KCTD12: variants seen among roughly 807,000 people sequenced by gnomAD.
The protein encoded by KCTD12 is BTB/POZ domain-containing protein KCTD12.
A neutral mutation model predicts 22.6 loss-of-function variants in KCTD12; 16 were observed. The observed-to-expected ratio is 0.71, with a 90% CI of 0.48 to 1.07. The LOEUF is 1.07. Ranked by LOEUF, KCTD12 falls within the 50% of genes least tolerant of loss-of-function variation. The pLI is 0.00. For missense variants in KCTD12, 452 were observed against 469.2 expected (o/e 0.96, Z 0.34); for synonymous variants, 260 against 228.0 (o/e 1.14, Z -1.26).
Position 76,884,896 on chromosome 13 carries a change from A to C in KCTD12, c.*275T>G. ...GGAGGGGTGGTTTGAGGCAGGGAGTAGAGAAAGCATGGAGTGGTAGGTGGG... is the reference window on the plus strand; with the variant it reads ...GGAGGGGTGGTTTGAGGCAGGGAGTCGAGAAAGCATGGAGTGGTAGGTGGG... On this transcript the variant is annotated 3_prime_UTR_variant, in exon 1 of 1. Coordinates refer to ENST00000377474, the MANE Select transcript of KCTD12 (RefSeq NM_138444.4). 3 of 400,580 alleles carry C rather than the reference A, an allele frequency of 7.5e-6. No homozygotes were observed. Among genetic ancestry groups the C allele is most frequent in the Non-Finnish European group, 1.4e-5 (3 of 221,272 alleles). 24.8% of individuals were successfully genotyped at this position (400,580 alleles called of 1,614,324 possible). A position where few individuals can be genotyped will look rare whatever the true frequency, so the allele number is the denominator to read the frequency against.
In KCTD12 at chr13:76,884,434, T is replaced by C. The variant is rs1244880264; in HGVS notation, c.*737A>G. On this transcript the variant is annotated 3_prime_UTR_variant, in exon 1 of 1. Transcript: ENST00000377474. ...GAGCAGCAGCTGAAAAGGGCGCCTCTGCAGGCAGGCGGATCACTTTCTATA... is the reference window on the plus strand; with the variant it reads ...GAGCAGCAGCTGAAAAGGGCGCCTCCGCAGGCAGGCGGATCACTTTCTATA... The C allele has an allele frequency of 6.6e-6, 1 of 152,270 alleles. No homozygotes were observed. Among genetic ancestry groups the C allele is most frequent in the East Asian group, 1.9e-4 (1 of 5,198 alleles). 9.4% of individuals were successfully genotyped at this position (152,270 alleles called of 1,614,324 possible).
rs1305597933 is a variant in KCTD12 at position 76,880,874 on chromosome 13, A to C, written c.*4297T>G. ...TTTAAGTGACAACAAATCTTGATTA[A>C]CTAGTCCATCTTCCTACCACACATG... On this transcript the variant is annotated 3_prime_UTR_variant, in exon 1 of 1. Coordinates refer to ENST00000377474, the MANE Select transcript of KCTD12 (RefSeq NM_138444.4). The C allele has an allele frequency of 6.6e-6, 1 of 152,618 alleles. No homozygotes were observed. Among genetic ancestry groups the C allele is most frequent in the Non-Finnish European group, 1.5e-5 (1 of 68,008 alleles). 9.5% of individuals were successfully genotyped at this position (152,618 alleles called of 1,614,324 possible). A position where few individuals can be genotyped will look rare whatever the true frequency, so the allele number is the denominator to read the frequency against.
In KCTD12 at chr13:76,885,728, G is replaced by C; in HGVS notation, c.421C>G (p.Pro141Ala). 7.1e-7 allele frequency: 1 copy of C among 1,407,954 alleles called. No homozygotes were observed. 87.2% of individuals were successfully genotyped at this position (1,407,954 alleles called of 1,614,324 possible). Residue 141 changes from proline to alanine, a missense_variant, in exon 1 of 1, where the codon CCC becomes GCC. Physicochemically the swap from Pro to Ala is conservative, Grantham distance 27. Around this residue, in one of 2 missense-constraint regions of KCTD12, gnomAD observed 330 missense variants for 296.5 expected, o/e 1.11. Transcript: ENST00000377474. The surrounding 1 kb of genome is among the most constrained non-coding windows in gnomAD (Gnocchi z 5.1). ...APQQPGPGPP[P>A]SRRGVHKEGS... ...TCCTTGTGCACCCCGCGCCGCGAGG[G>C]CGGCGGCCCCGGGCCGGGCTGCTGG...
chr13:76,882,034 A>G lies in KCTD12; in HGVS notation c.*3137T>C, dbSNP rs1213995273. ...TATGACATTCTCCCAGGTTATTTGAATGGTATCTTTGGAGGGCTTACTCAA... is the reference window on the plus strand; with the variant it reads ...TATGACATTCTCCCAGGTTATTTGAGTGGTATCTTTGGAGGGCTTACTCAA... On this transcript the variant is annotated 3_prime_UTR_variant, in exon 1 of 1. Coordinates refer to ENST00000377474, the MANE Select transcript of KCTD12 (RefSeq NM_138444.4). 2 of 152,160 alleles carry G rather than the reference A, an allele frequency of 1.3e-5. No homozygotes were observed. The highest frequency in any genetic ancestry group is 4.8e-5 in the African/African-American group (2 of 41,420). The allele number at this position is 152,160 out of a possible 1,614,324, so 9.4% of individuals were successfully genotyped here.
chr13:76,886,285 G>GCCGCCA lies in KCTD12; in HGVS notation c.-138_-137insTGGCGG, dbSNP rs2033274594. Reference sequence around the variant, plus strand: ...CGCCGCCGCCGCCGCCGCCACCGCCGCCACCGCCACCGCCGCCACCTCCTA... The same window carrying GCCGCCA: ...CGCCGCCGCCGCCGCCGCCACCGCCGCCGCCACCACCGCCACCGCCGCCACCTCCTA... On this transcript the variant is annotated 5_prime_UTR_variant, in exon 1 of 1. Transcript: ENST00000377474. 7.9e-6 allele frequency: 8 copies of GCCGCCA among 1,015,726 alleles called. No individual in the cohort carries two copies. Among genetic ancestry groups the GCCGCCA allele is most frequent in the South Asian group, 5.9e-5 (2 of 34,176 alleles). 62.9% of individuals were successfully genotyped at this position (1,015,726 alleles called of 1,614,324 possible). A position where few individuals can be genotyped will look rare whatever the true frequency, so the allele number is the denominator to read the frequency against.
chr13:76,885,573 G>T lies in KCTD12; in HGVS notation c.576C>A (p.Gly192=). ...ASRSPSGGAA[G]PLLTPSQSLD... ...GCGACTGGGACGGCGTGAGCAGCGG[G>T]CCCGCCGCGCCCCCGGACGGACTGC... The change falls in exon 1 of 1, where the codon GGC becomes GGA. Residue 192 remains glycine, a synonymous_variant. Transcript: ENST00000377474. The surrounding 1 kb of genome is among the most constrained non-coding windows in gnomAD (Gnocchi z 5.1). The T allele has an allele frequency of 6.5e-7, 1 of 1,538,268 alleles. No individual in the cohort carries two copies.
Position 76,885,000 on chromosome 13 carries a change from G to T in KCTD12, c.*171C>A. 1.4e-6 allele frequency: 1 copy of T among 698,428 alleles called. No individual in the cohort carries two copies. Among genetic ancestry groups the T allele is most frequent in the Non-Finnish European group, 2.3e-6 (1 of 428,134 alleles). 43.3% of individuals were successfully genotyped at this position (698,428 alleles called of 1,614,324 possible). A position where few individuals can be genotyped will look rare whatever the true frequency, so the allele number is the denominator to read the frequency against. ...GAAGCAGCCCAGAGGATTTGCGGCT[G>T]CAGGTTCTGTAGTGGAGGGAAGGTG... is the stretch of plus-strand genomic sequence containing the variant. On this transcript the variant is annotated 3_prime_UTR_variant, in exon 1 of 1. Coordinates refer to ENST00000377474, the MANE Select transcript of KCTD12 (RefSeq NM_138444.4).
chr13:76,882,977 CTCAA>C lies in KCTD12; in HGVS notation c.*2190_*2193del, dbSNP rs1311464909. On this transcript the variant is annotated 3_prime_UTR_variant, in exon 1 of 1. Transcript: ENST00000377474. Reference sequence around the variant, plus strand: ...CATATGATTAGTAATACAACTAATACTCAAGAAAAAAAGTATAATACAGCAAACT... The same window carrying C: ...CATATGATTAGTAATACAACTAATACGAAAAAAAGTATAATACAGCAAACT... 6.6e-6 allele frequency: 1 copy of C among 152,098 alleles called. No individual in the cohort carries two copies. The highest frequency in any genetic ancestry group is 2.4e-5 in the African/African-American group (1 of 41,406). 9.4% of individuals were successfully genotyped at this position (152,098 alleles called of 1,614,324 possible). A position where few individuals can be genotyped will look rare whatever the true frequency, so the allele number is the denominator to read the frequency against.
chr13:76,886,224 GCCCCGGAA>G lies in KCTD12; in HGVS notation c.-84_-77del, dbSNP rs944624298. The stretch of plus-strand genomic sequence containing the variant: ...AGGAGCTGCAACCGCCTTCCCCGGA[GCCCCGGAA>G]CCCGGACGCTCGCTCAGCCCTGCGC... On this transcript the variant is annotated 5_prime_UTR_variant, in exon 1 of 1. Transcript: ENST00000377474. 2.9e-6 allele frequency: 4 copies of G among 1,379,592 alleles called. No homozygotes were observed. Among genetic ancestry groups the G allele is most frequent in the Admixed American group, 7.9e-5 (2 of 25,452 alleles). The allele number at this position is 1,379,592 out of a possible 1,614,324, so 85.5% of individuals were successfully genotyped here.
Position 76,884,844 on chromosome 13 carries a change from T to G in KCTD12, c.*327A>C. On this transcript the variant is annotated 3_prime_UTR_variant, in exon 1 of 1. Transcript: ENST00000377474. Reference sequence around the variant, plus strand: ...CCGGTCTGTGGCCACACTCCCCCAATAGATCCAAACTGAAGTACCATCTGG... The same window carrying G: ...CCGGTCTGTGGCCACACTCCCCCAAGAGATCCAAACTGAAGTACCATCTGG... 3.3e-6 allele frequency: 1 copy of G among 304,534 alleles called. No homozygotes were observed. The highest frequency in any genetic ancestry group is 6.9e-5 in the East Asian group (1 of 14,392). The allele number at this position is 304,534 out of a possible 1,614,324, so 18.9% of individuals were successfully genotyped here.
rs769289879 is a variant in KCTD12, at chr13:76,881,045, T to C, written c.*4126A>G. The C allele has an allele frequency of 6.6e-6, 1 of 152,224 alleles. No individual in the cohort carries two copies. Among genetic ancestry groups the C allele is most frequent in the Non-Finnish European group, 1.5e-5 (1 of 68,014 alleles). 9.4% of individuals were successfully genotyped at this position (152,224 alleles called of 1,614,324 possible). On this transcript the variant is annotated 3_prime_UTR_variant, in exon 1 of 1. Coordinates refer to ENST00000377474, the MANE Select transcript of KCTD12 (RefSeq NM_138444.4). ...AGCTAACTTCAACATAACTTGTTTC[T>C]GGCTATACAAAGACCTATTTCAGGT...
Position 76,886,211 on chromosome 13 carries a change from C to A in KCTD12, c.-63G>T. 1 of 1,383,934 alleles carries A rather than the reference C, an allele frequency of 7.2e-7. No individual in the cohort carries two copies. Among genetic ancestry groups the A allele is most frequent in the Non-Finnish European group, 9.3e-7 (1 of 1,076,476 alleles). 85.7% of individuals were successfully genotyped at this position (1,383,934 alleles called of 1,614,324 possible). On this transcript the variant is annotated 5_prime_UTR_variant, in exon 1 of 1. Coordinates refer to ENST00000377474, the MANE Select transcript of KCTD12 (RefSeq NM_138444.4). ...CCGCGCTGCACTCAGGAGCTGCAAC[C>A]GCCTTCCCCGGAGCCCCGGAACCCG...
Position 76,885,917 on chromosome 13 carries a change from C to T in KCTD12, c.232G>A (p.Gly78Ser). The T allele has an allele frequency of 6.3e-7, 1 of 1,595,970 alleles. No homozygotes were observed. The highest frequency in any genetic ancestry group is 8.5e-7 in the Non-Finnish European group (1 of 1,178,758). Residue 78 changes from glycine to serine, a missense_variant, in exon 1 of 1, where the codon GGC becomes AGC. Gly to Ser is a moderately conservative substitution (Grantham distance 56). This residue lies in a region of KCTD12 where 330 missense variants were observed against 296.5 expected (regional missense o/e 1.11). Transcript: ENST00000377474. This position sits in a 1 kb window ranked among gnomAD's most constrained non-coding sequence, Gnocchi z 5.1. ...CCGTCCCGGTCCAGAAAGAAGCGGC[C>T]TTTGCTGTCCCGGGCCAGCTCCTGC... ...QPQELARDSKGRFFLDRDGFL... is the reference protein window; with the variant it reads ...QPQELARDSKSRFFLDRDGFL...
chr13:76,886,345 C>G lies in KCTD12; in HGVS notation c.-197G>C. 2.2e-6 allele frequency: 1 copy of G among 460,180 alleles called. No individual in the cohort carries two copies. The highest frequency in any genetic ancestry group is 3.2e-6 in the Non-Finnish European group (1 of 309,660). 28.5% of individuals were successfully genotyped at this position (460,180 alleles called of 1,614,324 possible). The stretch of plus-strand genomic sequence containing the variant: ...GGAGCCGAGCGGTGCGAGCGCGCCG[C>G]TGTGCGCCCCCTTGAGTTCCAGTGC... On this transcript the variant is annotated 5_prime_UTR_variant, in exon 1 of 1. Transcript: ENST00000377474.
rs1400358516 is a variant in KCTD12, at chr13:76,885,920, T to C, written c.229A>G (p.Lys77Glu). ...TCCCGGTCCAGAAAGAAGCGGCCTT[T>C]GCTGTCCCGGGCCAGCTCCTGCGGC... is the stretch of plus-strand genomic sequence containing the variant. ...QQPQELARDS[K>E]GRFFLDRDGF... The change falls in exon 1 of 1, where the codon AAA (lysine) becomes GAA (glutamate). Residue 77 changes from lysine to glutamate, a missense_variant. Lys to Glu is a moderately conservative substitution (Grantham distance 56). This residue lies in a region of KCTD12 where 330 missense variants were observed against 296.5 expected (regional missense o/e 1.11). Transcript: ENST00000377474. The surrounding 1 kb of genome is among the most constrained non-coding windows in gnomAD (Gnocchi z 5.1). The C allele has an allele frequency of 1.9e-6, 3 of 1,595,872 alleles. No homozygotes were observed. Among genetic ancestry groups the C allele is most frequent in the Admixed American group, 1.7e-5 (1 of 59,612 alleles).
Position 76,885,542 on chromosome 13 carries a change from C to T in KCTD12, c.607G>A (p.Gly203Ser), listed in dbSNP as rs990400634. The T allele has an allele frequency of 2.6e-6, 4 of 1,567,076 alleles. No individual in the cohort carries two copies. Among genetic ancestry groups the T allele is most frequent in the Non-Finnish European group, 3.4e-6 (4 of 1,160,694 alleles). ...PLLTPSQSLD[G>S]SRRSGYITIG... The stretch of plus-strand genomic sequence containing the variant: ...GTGATGTAGCCCGAGCGCCGGCTGC[C>T]GTCCAGCGACTGGGACGGCGTGAGC... The change falls in exon 1 of 1, where the codon GGC becomes AGC. Residue 203 changes from glycine (G) to serine (S), a missense_variant. This residue lies in a region of KCTD12 where 330 missense variants were observed against 296.5 expected (regional missense o/e 1.11). Transcript: ENST00000377474. The surrounding 1 kb of genome is among the most constrained non-coding windows in gnomAD (Gnocchi z 5.1).
Position 76,885,846 on chromosome 13 carries a change from G to A in KCTD12, c.303C>T (p.Leu101=), listed in dbSNP as rs144225285. The change falls in exon 1 of 1, where the codon CTC becomes CTT. Residue 101 remains leucine (L), a synonymous_variant. Coordinates refer to ENST00000377474, the MANE Select transcript of KCTD12 (RefSeq NM_138444.4). This position sits in a 1 kb window ranked among gnomAD's most constrained non-coding sequence, Gnocchi z 5.1. ...YILDYLRDLQ[L]VLPDYFPERS... Reference sequence around the variant, plus strand: ...GCTCGGGGAAGTAGTCGGGCAGCACGAGCTGCAAGTCCCGCAGGTAATCCA... The same window carrying A: ...GCTCGGGGAAGTAGTCGGGCAGCACAAGCTGCAAGTCCCGCAGGTAATCCA... 8.9e-4 allele frequency: 1,428 copies of A among 1,596,414 alleles called. 12 individuals carry two copies. The African/African-American group carries it at 0.017, about 19-fold the overall frequency.
rs958233509 is a variant in KCTD12 at position 76,883,169 on chromosome 13, T to C, written c.*2002A>G. On this transcript the variant is annotated 3_prime_UTR_variant, in exon 1 of 1. Coordinates refer to ENST00000377474, the MANE Select transcript of KCTD12 (RefSeq NM_138444.4). The stretch of plus-strand genomic sequence containing the variant: ...TAAATGAATTAAAAAACTAAATGAT[T>C]CATGTAAAATGTTTATATATGGTAT... 7 of 152,206 alleles carry C rather than the reference T, an allele frequency of 4.6e-5. No individual in the cohort carries two copies. The highest frequency in any genetic ancestry group is 1.7e-4 in the African/African-American group (7 of 41,434). 9.4% of individuals were successfully genotyped at this position (152,206 alleles called of 1,614,324 possible).
chr13:76,885,486 C>A lies in KCTD12; in HGVS notation c.663G>T (p.Gly221=), dbSNP rs375243364. The change falls in exon 1 of 1, where the codon GGG becomes GGT. Residue 221 remains glycine (G), a synonymous_variant. Coordinates refer to ENST00000377474, the MANE Select transcript of KCTD12 (RefSeq NM_138444.4). The surrounding 1 kb of genome is among the most constrained non-coding windows in gnomAD (Gnocchi z 5.1). ...ACTTGGCGTCCGCCTGCGCGTCCCGCCCGATGGTGTAGGAGCCGCGGTAGC... is the reference window on the plus strand; with the variant it reads ...ACTTGGCGTCCGCCTGCGCGTCCCGACCGATGGTGTAGGAGCCGCGGTAGC... ...TIGYRGSYTI[G]RDAQADAKFR... 6.2e-7 allele frequency: 1 copy of A among 1,607,240 alleles called. No individual in the cohort carries two copies. The highest frequency in any genetic ancestry group is 1.7e-5 in the Admixed American group (1 of 59,820).
Sources: allele counts gnomAD v4.1 joint callset, GRCh38; gene constraint gnomAD v4.1.1; regional missense constraint gnomAD v4.1.1; non-coding constraint Gnocchi (gnomAD v3.1); transcripts MANE v1.5; gene names NCBI Gene and HGNC (gene_info 2026-07-23, HGNC 2026-07-21).